Variants in ANK3 observed in about 807,000 individuals in gnomAD.
ANK3 encodes ankyrin-3.
A neutral mutation model predicts 370.9 loss-of-function variants in ANK3; 57 were observed. That is an observed-to-expected ratio of 0.15 (90% confidence interval 0.12 to 0.19). The LOEUF is 0.19. Among genes scored for constraint, ANK3 ranks in the 10% least tolerant of loss-of-function variants. The pLI is 1.00. For synonymous variants in ANK3, 1,929 were observed against 1,946.3 expected, an observed-to-expected ratio of 0.99 and a Z score of 0.23; for missense variants, 4,439 against 5,302.1, an observed-to-expected ratio of 0.84 and a Z score of 5.06.
chr10:60,193,537 C>A (rs567559478), intron 16 of ANK3, among the ~76,000 whole-genome samples: 136 of 151,686 alleles, frequency 9.0e-4, no homozygotes, highest in African/African-American at 3.1e-3. Context: ...TGCCTGTAGT[C>A]TCATCTATTT....
At chr10:60,663,843 T>A (rs961301702) in intron 1 of ANK3, among the ~76,000 whole-genome samples, 37 of 152,366 alleles carry the variant, frequency 2.4e-4, no homozygotes, top group African/African-American at 8.2e-4. Flanking sequence ...TCACAAATCG[T>A]ATTTTATTTA....
chr10:60,373,755 T>C (rs947157447), intron 1 of ANK3, among the ~76,000 whole-genome samples: 5 of 152,140 alleles, frequency 3.3e-5, no homozygotes, highest in Non-Finnish European at 5.9e-5. Flanking sequence ...CCACACTCCA[T>C]GAATTCTAAT....
At chr10:60,420,129 T>C (rs1332135003) in intron 2 of ANK3, among the ~76,000 whole-genome samples, 1 of 152,144 alleles carries the variant, frequency 6.6e-6, no homozygotes, top group Non-Finnish European at 1.5e-5. Flanking sequence ...AGAGCAGCTC[T>C]GTTTATATAC....
In ANK3 at chr10:60,651,054, C is replaced by A. The variant is rs112627373; in HGVS notation, c.58-35830G>T. Among the ~76,000 whole-genome samples, 127 of 152,214 alleles carry A rather than the reference C, an allele frequency of 8.3e-4. 1 individual carries two copies. Among genetic ancestry groups the A allele is most frequent in the Middle Eastern group, 6.8e-3 (2 of 294 alleles). On this transcript the variant is annotated intron_variant, in intron 1 of 43. Coordinates refer to the ANK3 transcript ENST00000373827. ...GAGGCTACAGTGAGCTGTGGTTGAG[C>A]CACTGCATTCCAGCCTGGGTGACAA...
At chr10:60,335,618 G>T (rs1156733783) in intron 1 of ANK3, among the ~76,000 whole-genome samples, 1 of 152,122 alleles carries the variant, frequency 6.6e-6, no homozygotes, top group Non-Finnish European at 1.5e-5. Context: ...TGGAACTTAG[G>T]ATTTTGAGCA....
intron 1 of ANK3, among the ~76,000 whole-genome samples, chr10:60,376,577 A>G (rs1409285653): frequency 6.6e-6 from 1 of 152,246 alleles, no homozygotes; most frequent in Non-Finnish European, 1.5e-5. Context: ...AACTGGACTC[A>G]TATGCTTTGG....
At chr10:60,365,721 T>G (rs2059301496) in intron 1 of ANK3, among the ~76,000 whole-genome samples, 1 of 152,166 alleles carries the variant, frequency 6.6e-6, no homozygotes. Flanking sequence ...AGAGACGGAT[T>G]ATTGTTGTCT....
At position 60,322,420 on chromosome 10, in the gene ANK3, A is replaced by G. The variant is rs1324290554; in HGVS notation, c.115-42781T>C. The stretch of plus-strand genomic sequence containing the variant: ...ACCAACTTCAGCTCTGAAAATATAA[A>G]AATTTTAGCCAGTGCTGGCTATAGT... On this transcript the variant is annotated intron_variant, in intron 1 of 43. Coordinates refer to ENST00000280772, the MANE Select transcript of ANK3 (RefSeq NM_020987.5). Among the ~76,000 whole-genome samples the G allele has an allele frequency of 2.6e-5, 4 of 152,184 alleles. No individual in the cohort carries two copies. In the South Asian group the frequency reaches 8.3e-4, roughly 31 times the overall value.
intron 28 of ANK3, among the ~76,000 whole-genome samples, chr10:60,093,733 C>T (rs950182011): frequency 6.6e-6 from 1 of 152,104 alleles, no homozygotes; most frequent in African/African-American, 2.4e-5. Context: ...GGCATTAAAG[C>T]CACCCCAAAT....
intron 1 of ANK3, among the ~76,000 whole-genome samples, chr10:60,729,930 A>G (rs994753700): frequency 6.6e-6 from 1 of 152,190 alleles, no homozygotes; most frequent in Non-Finnish European, 1.5e-5. Context: ...CTCATAGTCA[A>G]ACAGGAATCT....
At chr10:60,462,989 G>T (rs1002150094) in intron 2 of ANK3, among the ~76,000 whole-genome samples, 3 of 151,916 alleles carry the variant, frequency 2.0e-5, no homozygotes, top group Non-Finnish European at 4.4e-5. Context: ...CTGCAGCCTT[G>T]ACCTCCCAGG....
At chr10:60,440,495 T>A (rs531745292) in intron 2 of ANK3, among the ~76,000 whole-genome samples, 1 of 152,098 alleles carries the variant, frequency 6.6e-6, no homozygotes, top group Non-Finnish European at 1.5e-5. Context: ...GCAGATCTCA[T>A]GAAAACTCAT....
At chr10:60,483,813 G>C (rs988733860) in intron 2 of ANK3, among the ~76,000 whole-genome samples, 7 of 152,174 alleles carry the variant, frequency 4.6e-5, no homozygotes, top group Non-Finnish European at 7.3e-5. Context: ...GACCTTATGA[G>C]AAGGCAAGAA....
chr10:60,367,399 C>G (rs982128325), intron 1 of ANK3, among the ~76,000 whole-genome samples: 4 of 152,192 alleles, frequency 2.6e-5, no homozygotes, highest in African/African-American at 9.7e-5. Context: ...TTATAGGACT[C>G]TATGCTTTCT....
chr10:60,149,827 G>A (rs1285005231), intron 23 of ANK3, among the ~76,000 whole-genome samples: 2 of 152,210 alleles, frequency 1.3e-5, no homozygotes, highest in Non-Finnish European at 2.9e-5. Flanking sequence ...TCCTGCCTCA[G>A]CCTCCTGAGT....
intron 2 of ANK3, among the ~76,000 whole-genome samples, chr10:60,401,630 GTAT>G (rs530012473): frequency 1.1e-3 from 164 of 152,262 alleles, no homozygotes; most frequent in Non-Finnish European, 1.7e-3. Context: ...ACTTTAAAAT[GTAT>G]TATGTGTTAA....
intron 23 of ANK3, among the ~76,000 whole-genome samples, chr10:60,144,815 C>T (rs2094733839): frequency 6.6e-6 from 1 of 152,180 alleles, no homozygotes. Context: ...TGGTCCAGTA[C>T]ATGGTGTAAT....
At chr10:60,287,647 C>T (rs1339724074) in intron 1 of ANK3, among the ~76,000 whole-genome samples, 2 of 152,034 alleles carry the variant, frequency 1.3e-5, no homozygotes, top group Non-Finnish European at 2.9e-5. Context: ...ATTACAGAGG[C>T]AGAAACCTAA....
chr10:60,053,637 G>T, intron 42 of ANK3: 1 of 1,292,820 alleles, frequency 7.7e-7, no homozygotes, highest in Non-Finnish European at 1.0e-6. Flanking sequence ...TTTGCCATGG[G>T]TTGCTGCATG....
Sources: allele counts gnomAD v4.1 joint callset (sites outside exome capture counted in the v4.1 genomes callset), GRCh38; gene constraint gnomAD v4.1.1; transcripts MANE v1.5; gene names NCBI Gene and HGNC (gene_info 2026-07-23, HGNC 2026-07-21).